The following CPLX1 variants were observed in gnomAD, a reference collection of about 807,000 sequenced individuals.
The protein encoded by CPLX1 is complexin-1.
A neutral mutation model predicts 15.6 loss-of-function variants in CPLX1; 6 were observed. The observed-to-expected ratio is 0.39, with a 90% CI of 0.21 to 0.76. CPLX1 has a LOEUF of 0.76. Among genes scored for constraint, CPLX1 ranks in the 30% least tolerant of loss-of-function variants. CPLX1 has a pLI of 0.43. For missense variants in CPLX1, 242 were observed against 188.6 expected, an observed-to-expected ratio of 1.28 and a Z score of -1.66; for synonymous variants, 91 against 75.2, an observed-to-expected ratio of 1.21 and a Z score of -1.08.
chr4:819,980 C>T (rs565324851), intron 2 of CPLX1, among the ~76,000 whole-genome samples: 1 of 152,290 alleles, frequency 6.6e-6, no homozygotes, highest in East Asian at 1.9e-4. Context: ...ACATCGTCAC[C>T]CCAATTCAAG....
chr4:809,597 T>C (rs1002822528), intron 2 of CPLX1, among the ~76,000 whole-genome samples: 28 of 152,158 alleles, frequency 1.8e-4, no homozygotes, highest in Admixed American at 1.5e-3. Context: ...AAGGTAGGCG[T>C]CCTCCGTAAC....
Position 786,709 on chromosome 4 carries a change from G to A in CPLX1, c.208-11C>T. 2 of 1,584,146 alleles carry A rather than the reference G, an allele frequency of 1.3e-6. No homozygotes were observed. Among genetic ancestry groups the A allele is most frequent in the Non-Finnish European group, 8.6e-7 (1 of 1,163,598 alleles). ...CTTCTTGATGCCGTACTGCGGGGGA[G>A]GCGGGGGTCAGGGCGGGGGTCCCGG... On this transcript the variant is annotated splice_polypyrimidine_tract_variant and intron_variant, in intron 3 of 3. Coordinates refer to ENST00000304062, the MANE Select transcript of CPLX1 (RefSeq NM_006651.4).
chr4:810,741 G>A (rs1416971446), intron 2 of CPLX1, among the ~76,000 whole-genome samples: 2 of 150,352 alleles, frequency 1.3e-5, no homozygotes, highest in African/African-American at 4.9e-5. Flanking sequence ...TTGTTGCCCA[G>A]GCTGGAGTGC....
chr4:794,943 G>C (rs944990491), intron 2 of CPLX1, among the ~76,000 whole-genome samples: 1 of 152,204 alleles, frequency 6.6e-6, no homozygotes, highest in African/African-American at 2.4e-5. Context: ...GGGTGCCTGT[G>C]GGGGGCCCTC....
At chr4:810,088 T>G (rs551400839) in intron 2 of CPLX1, among the ~76,000 whole-genome samples, 1 of 150,898 alleles carries the variant, frequency 6.6e-6, no homozygotes, top group Non-Finnish European at 1.5e-5. Context: ...CTCGCTTCGT[T>G]GCCCAGGCTG....
At chr4:789,358 G>A (rs533451488) in intron 3 of CPLX1, among the ~76,000 whole-genome samples, 1 of 152,352 alleles carries the variant, frequency 6.6e-6, no homozygotes, top group South Asian at 2.1e-4. Flanking sequence ...CACGTCTGAG[G>A]TGAGACCCTG....
chr4:823,735 A>G (rs573126026), intron 2 of CPLX1, among the ~76,000 whole-genome samples: 1 of 152,226 alleles, frequency 6.6e-6, no homozygotes, highest in East Asian at 1.9e-4. Flanking sequence ...GGCCCTGCCC[A>G]CCTCCTGGTC....
At chr4:819,502 T>C (rs1479496141) in intron 2 of CPLX1, among the ~76,000 whole-genome samples, 1 of 152,256 alleles carries the variant, frequency 6.6e-6, no homozygotes, top group African/African-American at 2.4e-5. Flanking sequence ...TGTTGGCATT[T>C]TACTGTTAAG....
intron 3 of CPLX1, among the ~76,000 whole-genome samples, chr4:789,306 T>G (rs1274915162): frequency 2.0e-5 from 3 of 151,840 alleles, no homozygotes; most frequent in African/African-American, 7.3e-5. Flanking sequence ...AAGTAACACC[T>G]GAGGATGGGA....
At chr4:792,855 CAACT>C (rs1746226015) in intron 2 of CPLX1, among the ~76,000 whole-genome samples, 1 of 152,150 alleles carries the variant, frequency 6.6e-6, no homozygotes, top group African/African-American at 2.4e-5. Context: ...GAGACACAGG[CAACT>C]CCGTGGGGGG....
chr4:813,716 C>T (rs926039874), intron 2 of CPLX1, among the ~76,000 whole-genome samples: 1 of 152,150 alleles, frequency 6.6e-6, no homozygotes, highest in Non-Finnish European at 1.5e-5. Context: ...CTGCCCTGCT[C>T]ATAGATCCAC....
chr4:823,584 C>T (rs182512738), intron 2 of CPLX1, among the ~76,000 whole-genome samples: 6 of 152,332 alleles, frequency 3.9e-5, no homozygotes, highest in African/African-American at 7.2e-5. Flanking sequence ...CCACAGGTTC[C>T]CCTCACAGGA....
intron 3 of CPLX1, among the ~76,000 whole-genome samples, chr4:789,720 G>T (rs548187907): frequency 6.6e-6 from 1 of 152,186 alleles, no homozygotes; most frequent in Non-Finnish European, 1.5e-5. Flanking sequence ...GTGCAGGCGC[G>T]CTGCTCCTCT....
chr4:807,476 A>AT (rs146977081), intron 2 of CPLX1, among the ~76,000 whole-genome samples: 423 of 145,250 alleles, frequency 2.9e-3, no homozygotes, highest in Middle Eastern at 3.5e-3. Flanking sequence ...CCGGAACTTA[A>AT]TTTTTTTTTT....
intron 2 of CPLX1, among the ~76,000 whole-genome samples, chr4:818,744 C>T (rs1333856497): frequency 2.0e-5 from 3 of 152,266 alleles, no homozygotes; most frequent in Non-Finnish European, 4.4e-5. Context: ...CTTATTGGCA[C>T]GTCCACCTCG....
intron 2 of CPLX1, 95 bp downstream of exon 2, chr4:824,396 AG>A: frequency 8.8e-7 from 1 of 1,136,724 alleles, no homozygotes. Context: ...GTGTGGCTGC[AG>A]GGGCGCTGCT....
intron 2 of CPLX1, among the ~76,000 whole-genome samples, chr4:800,559 A>AAT (rs1192000343): frequency 2.3e-5 from 3 of 128,040 alleles, no homozygotes; most frequent in Non-Finnish European, 3.4e-5. Context: ...TGTATATATA[A>AAT]ATATATGTGT....
At position 786,655 on chromosome 4, in the gene CPLX1, G is replaced by T. The variant is rs747264616; in HGVS notation, c.251C>A (p.Ala84Asp). ...KKEEREAEAQ[A>D]AMEANSEGSL... ...CCCCTCGGAGTTGGCCTCCATGGCGGCCTGGGCCTCGGCCTCGCGCTCCTC... is the reference window on the plus strand; with the variant it reads ...CCCCTCGGAGTTGGCCTCCATGGCGTCCTGGGCCTCGGCCTCGCGCTCCTC... The change falls in exon 4 of 4, where the codon GCC becomes GAC. Residue 84 changes from alanine (A) to aspartate (D), a missense_variant. Ala to Asp is a moderately radical substitution (Grantham distance 126). Coordinates refer to ENST00000304062, the MANE Select transcript of CPLX1 (RefSeq NM_006651.4). 1 of 1,611,760 alleles carries T rather than the reference G, an allele frequency of 6.2e-7. No homozygotes were observed. The highest frequency in any genetic ancestry group is 8.5e-7 in the Non-Finnish European group (1 of 1,179,060).
chr4:800,849 G>GTGTA (rs1746442334), intron 2 of CPLX1, among the ~76,000 whole-genome samples: 1 of 131,686 alleles, frequency 7.6e-6, no homozygotes, highest in Non-Finnish European at 1.6e-5. Context: ...GTATATATAT[G>GTGTA]TATATATATA....
Sources: allele counts gnomAD v4.1 joint callset (sites outside exome capture counted in the v4.1 genomes callset), GRCh38; gene constraint gnomAD v4.1.1; transcripts MANE v1.5; gene names NCBI Gene and HGNC (gene_info 2026-07-23, HGNC 2026-07-21).